Variants in ELF4 observed in about 807,000 individuals in gnomAD.
The protein encoded by ELF4 is ETS-related transcription factor Elf-4.
ELF4 carries 10 observed loss-of-function variants against 31.7 expected under a neutral mutation model. The ratio of observed to expected loss-of-function variants is 0.32; its 90% confidence interval spans 0.19 to 0.54. ELF4 has a LOEUF of 0.54. ELF4 is among the 20% of genes least tolerant of loss of function. The pLI is 0.95. For synonymous variants in ELF4, 208 were observed against 226.7 expected, an observed-to-expected ratio of 0.92 and a Z score of 0.74; for missense variants, 418 against 522.0, an observed-to-expected ratio of 0.80 and a Z score of 1.94.
At position 130,069,230 on chromosome X, in the gene ELF4, A is replaced by T; in HGVS notation, c.1187+70T>A. On this transcript the variant is annotated intron_variant, in intron 8 of 8. Transcript: ENST00000308167. ...CAGAGCGAGACTCCATCTCAAAAAA[A>T]AAAAAAAAGAAAACTGAACCCCAAC... 3 of 1,188,594 alleles carry T rather than the reference A, an allele frequency of 2.5e-6. No homozygotes were observed. In the South Asian group the frequency reaches 5.4e-5, roughly 21 times the overall value.
upstream of ELF4, among the ~76,000 whole-genome samples, chrX:130,111,629 A>G (rs1356463498): frequency 9.0e-6 from 1 of 111,724 alleles, no homozygotes; most frequent in East Asian, 2.8e-4. Flanking sequence ...CGCTGGCAAG[A>G]TATGAGTCAG....
At position 130,067,315 on chromosome X, in the gene ELF4, G is replaced by C; in HGVS notation, c.1398C>G (p.Asn466Lys). The change falls in exon 9 of 9, where the codon AAC (asparagine) becomes AAG (lysine). Residue 466 changes from asparagine to lysine, a missense_variant. By Grantham distance (94) the Asn-to-Lys change is moderately conservative. Around this residue, in one of 4 missense-constraint regions of ELF4, gnomAD observed 260 missense variants for 269.2 expected, o/e 0.97. Transcript: ENST00000308167. ...CCACCTGGCTGTCTTGGAAACTGGC[G>C]TTCAGGGGGAAAGAGGCCTGCAAAG... is the stretch of plus-strand genomic sequence containing the variant. ...TFTLQASFPL[N>K]ASFQDSQVAA... is the part of the protein sequence containing the mutation. 1 of 1,212,212 alleles carries C rather than the reference G, an allele frequency of 8.2e-7. No homozygotes were observed. The highest frequency in any genetic ancestry group is 1.1e-6 in the Non-Finnish European group (1 of 895,591).
intron 2 of ELF4, among the ~76,000 whole-genome samples, chrX:130,080,016 G>A (rs1932872165): frequency 8.9e-6 from 1 of 112,125 alleles, no homozygotes; most frequent in South Asian, 3.7e-4. Context: ...AGATTGGACA[G>A]TTTTCCATCC....
Position 130,110,476 on chromosome X carries a change from C to G in ELF4, c.-361G>C, listed in dbSNP as rs1933464002. On this transcript the variant is annotated 5_prime_UTR_variant, in exon 1 of 9. Transcript: ENST00000308167. Reference sequence around the variant, plus strand: ...GGCCGGGCGAGCGGCGCCAGGAACTCGGCGCCGGCGAAAGGAGAAGTGGAA... The same window carrying G: ...GGCCGGGCGAGCGGCGCCAGGAACTGGGCGCCGGCGAAAGGAGAAGTGGAA... 1 of 109,792 alleles carries G rather than the reference C, an allele frequency of 9.1e-6. No individual in the cohort carries two copies. The highest frequency in any genetic ancestry group is 1.9e-5 in the Non-Finnish European group (1 of 52,159). 9.0% of individuals were successfully genotyped at this position (109,792 alleles called of 1,213,427 possible).
chrX:130,088,719 A>T (rs1030322004), intron 1 of ELF4, among the ~76,000 whole-genome samples: 1 of 112,310 alleles, frequency 8.9e-6, no homozygotes, highest in African/African-American at 3.2e-5. Context: ...TCTCAAAAAA[A>T]CAAACACTGA....
At chrX:130,101,822 A>G (rs1204815150) in intron 1 of ELF4, among the ~76,000 whole-genome samples, 1 of 106,852 alleles carries the variant, frequency 9.4e-6, no homozygotes, top group Non-Finnish European at 1.9e-5. Flanking sequence ...AAAACAAAAC[A>G]AAACAAAACA....
chrX:130,099,893 T>C (rs1933218386), intron 1 of ELF4, among the ~76,000 whole-genome samples: 1 of 111,725 alleles, frequency 9.0e-6, no homozygotes, highest in Non-Finnish European at 1.9e-5. Context: ...CGCCTTGGCC[T>C]CCCAAAGTGC....
At chrX:130,109,990 C>A (rs931501424) in intron 1 of ELF4, among the ~76,000 whole-genome samples, 4 of 112,761 alleles carry the variant, frequency 3.5e-5, no homozygotes, top group Non-Finnish European at 7.5e-5. Flanking sequence ...GTCCGCCCCA[C>A]CTCCTCTGCC....
rs1020456076 is a variant in ELF4 at position 130,064,251 on chromosome X, G to A, written c.*2470C>T. Among the ~76,000 whole-genome samples, 5 of 110,975 alleles carry A rather than the reference G, an allele frequency of 4.5e-5. No homozygotes were observed. Among genetic ancestry groups the A allele is most frequent in the South Asian group, 3.8e-4 (1 of 2,652 alleles). On this transcript the variant is annotated 3_prime_UTR_variant, in exon 9 of 9. Transcript: ENST00000308167. ...CCAGGAGTTCGAGACCAGCCTGGCC[G>A]AAATGGTGAAACCCTGGCTCTACTG...
chrX:130,094,036 A>G (rs1242600223), intron 1 of ELF4, among the ~76,000 whole-genome samples: 2 of 111,263 alleles, frequency 1.8e-5, no homozygotes, highest in African/African-American at 6.5e-5. Context: ...GTTCAAGACC[A>G]GCCTGGCCAA....
intron 1 of ELF4, among the ~76,000 whole-genome samples, chrX:130,089,369 C>T (rs1569407066): frequency 1.9e-5 from 2 of 106,555 alleles, no homozygotes; most frequent in African/African-American, 3.4e-5. Flanking sequence ...ATTAGCCAGA[C>T]GTGGTGGCAC....
At chrX:130,086,365 C>T (rs1219758213) in intron 1 of ELF4, among the ~76,000 whole-genome samples, 2 of 112,156 alleles carry the variant, frequency 1.8e-5, no homozygotes, top group Non-Finnish European at 3.8e-5. Context: ...GGTTCTTCCC[C>T]AGTTACAGCC....
Position 130,074,490 on chromosome X carries a change from C to CG in ELF4, c.247+90dup, listed in dbSNP as rs980811742. 2.4e-5 allele frequency: 27 copies of CG among 1,148,353 alleles called. No individual in the cohort carries two copies. In the African/African-American group the frequency reaches 4.3e-4, roughly 18 times the overall value. 94.6% of individuals were successfully genotyped at this position (1,148,353 alleles called of 1,213,427 possible). A position where few individuals can be genotyped will look rare whatever the true frequency, so the allele number is the denominator to read the frequency against. On this transcript the variant is annotated intron_variant, in intron 3 of 8. Transcript: ENST00000308167. ...GGCTGGTGGACTTGCCCATTCTGCA[C>CG]GGGGTTACTAGAGGCCATTGTGGGC... is the stretch of plus-strand genomic sequence containing the variant.
Position 130,074,566 on chromosome X carries a change from A to G in ELF4, c.247+15T>C. On this transcript the variant is annotated intron_variant, in intron 3 of 8. Coordinates refer to ENST00000308167, the MANE Select transcript of ELF4 (RefSeq NM_001421.4). ...TTTTTCTACCACACCTTCTCTGCCC[A>G]GGAAGGGAACAGACCTGTCAGCAAA... 21 of 1,211,612 alleles carry G rather than the reference A, an allele frequency of 1.7e-5. No homozygotes were observed. The highest frequency in any genetic ancestry group is 2.3e-5 in the Non-Finnish European group (21 of 895,430).
chrX:130,097,559 T>TA (rs773474194), intron 1 of ELF4, among the ~76,000 whole-genome samples: 9 of 112,247 alleles, frequency 8.0e-5, no homozygotes, highest in Non-Finnish European at 1.1e-4. Context: ...TTGACACAAT[T>TA]AAGTGTTCAA....
chrX:130,085,552 G>T (rs1231352400), intron 1 of ELF4, among the ~76,000 whole-genome samples: 1 of 111,054 alleles, frequency 9.0e-6, no homozygotes, highest in East Asian at 2.8e-4. Flanking sequence ...CACAGTCTCC[G>T]TGGAGTGAGT....
In ELF4 at chrX:130,072,356, G is replaced by A. The variant is rs1932795611; in HGVS notation, c.402C>T (p.Tyr134=). The change falls in exon 5 of 9, where the codon TAC becomes TAT. Residue 134 remains tyrosine, a synonymous_variant. Coordinates refer to ENST00000308167, the MANE Select transcript of ELF4 (RefSeq NM_001421.4). ...CATCGGGCTCAGAGGCAGGAAACAGGTAGTTGGGCAGAGTGACAGCTGGTG... is the reference window on the plus strand; with the variant it reads ...CATCGGGCTCAGAGGCAGGAAACAGATAGTTGGGCAGAGTGACAGCTGGTG... ...DPAPAVTLPN[Y]LFPASEPDAL... The A allele has an allele frequency of 8.3e-7, 1 of 1,211,068 alleles. No individual in the cohort carries two copies. Among genetic ancestry groups the A allele is most frequent in the African/African-American group, 1.7e-5 (1 of 57,458 alleles).
chrX:130,077,640 G>A (rs1932846587), intron 2 of ELF4, among the ~76,000 whole-genome samples: 1 of 112,333 alleles, frequency 8.9e-6, no homozygotes, highest in African/African-American at 3.2e-5. Context: ...GAGCCAGAGT[G>A]CCTGGGCTTG....
chrX:130,095,285 G>A lies in ELF4; in HGVS notation c.-209-13746C>T, dbSNP rs556399119. Among the ~76,000 whole-genome samples, 18 of 112,237 alleles carry A rather than the reference G, an allele frequency of 1.6e-4. No homozygotes were observed. In the South Asian group the frequency reaches 5.8e-3, roughly 36 times the overall value. ...CCAACTACTACACACAATGAACTTT[G>A]TTTTCAGTGAAATCTGCTTTGGTAA... is the stretch of plus-strand genomic sequence containing the variant. On this transcript the variant is annotated intron_variant, in intron 1 of 8. Transcript: ENST00000308167.
Sources: allele counts gnomAD v4.1 joint callset (sites outside exome capture counted in the v4.1 genomes callset), GRCh38; gene constraint gnomAD v4.1.1; regional missense constraint gnomAD v4.1.1; transcripts MANE v1.5; gene names NCBI Gene and HGNC (gene_info 2026-07-23, HGNC 2026-07-21).